The following NCALD variants were observed in gnomAD, a reference collection of about 807,000 sequenced individuals.
NCALD encodes the protein neurocalcin-delta.
A neutral mutation model predicts 18.6 loss-of-function variants in NCALD; 10 were observed. That is an observed-to-expected ratio of 0.54 (90% CI 0.33 to 0.91). The LOEUF (loss-of-function observed/expected upper bound fraction) is 0.91, where lower values mean the gene tolerates loss of function less well. NCALD is among the 40% of genes least tolerant of loss of function. The pLI is 0.03. For missense variants in NCALD, 184 were observed against 247.6 expected, an observed-to-expected ratio of 0.74 and a Z score of 1.72; for synonymous variants, 88 against 87.4, an observed-to-expected ratio of 1.01 and a Z score of -0.04.
intron 2 of NCALD, among the ~76,000 whole-genome samples, chr8:101,917,526 GAAGC>G (rs1340824433): frequency 6.6e-6 from 1 of 151,798 alleles, no homozygotes; most frequent in African/African-American, 2.4e-5. Context: ...TTCATACGAA[GAAGC>G]AACAAAACTA....
intron 2 of NCALD, among the ~76,000 whole-genome samples, chr8:101,934,549 T>C (rs1052738839): frequency 6.6e-6 from 1 of 151,646 alleles, no homozygotes; most frequent in Non-Finnish European, 1.5e-5. Context: ...CTAGAGAAAA[T>C]GGCATCATGG....
chr8:102,043,303 G>A (rs1249884635), intron 1 of NCALD, among the ~76,000 whole-genome samples: 3 of 151,864 alleles, frequency 2.0e-5, no homozygotes, highest in South Asian at 2.1e-4. Context: ...AAAGAGATTC[G>A]AGTTTTTAAA....
At chr8:101,719,141 T>C in intron 2 of NCALD, 111 bp downstream of exon 2, 1 of 1,283,220 alleles carries the variant, frequency 7.8e-7, no homozygotes, top group Non-Finnish European at 1.1e-6. Context: ...CCAAATGAAG[T>C]GTCCTGGTGA....
chr8:102,006,143 T>G (rs1171100503), intron 2 of NCALD, among the ~76,000 whole-genome samples: 1 of 152,246 alleles, frequency 6.6e-6, no homozygotes, highest in African/African-American at 2.4e-5. Flanking sequence ...TCTAAGACTG[T>G]ATCTCAGATG....
At chr8:102,059,980 T>A (rs1034238401) in intron 1 of NCALD, among the ~76,000 whole-genome samples, 1 of 152,146 alleles carries the variant, frequency 6.6e-6, no homozygotes, top group Non-Finnish European at 1.5e-5. Context: ...TTTTTGTTTT[T>A]TTGTTTTTGT....
At chr8:101,814,412 A>G (rs1322077625) in intron 4 of NCALD, among the ~76,000 whole-genome samples, 1 of 152,148 alleles carries the variant, frequency 6.6e-6, no homozygotes, top group Non-Finnish European at 1.5e-5. Flanking sequence ...CAAAAGATCA[A>G]AAAAGCATTT....
At chr8:102,112,499 T>C (rs373817558) in intron 1 of NCALD, among the ~76,000 whole-genome samples, 4 of 152,176 alleles carry the variant, frequency 2.6e-5, no homozygotes, top group East Asian at 3.8e-4. Context: ...AAAATTGTTA[T>C]CAACTAACCA....
intron 4 of NCALD, among the ~76,000 whole-genome samples, chr8:101,856,989 C>T (rs1250641555): frequency 2.0e-5 from 3 of 152,208 alleles, no homozygotes; most frequent in Non-Finnish European, 4.4e-5. Context: ...CAGCACTTCA[C>T]TAATACCTCT....
At chr8:102,085,083 C>T (rs535566587) in intron 1 of NCALD, among the ~76,000 whole-genome samples, 5 of 152,252 alleles carry the variant, frequency 3.3e-5, no homozygotes, top group South Asian at 2.1e-4. Flanking sequence ...TACATGCACA[C>T]GCCTGGTTGG....
chr8:101,727,991 C>T (rs1213664564), intron 1 of NCALD, among the ~76,000 whole-genome samples: 1 of 152,228 alleles, frequency 6.6e-6, no homozygotes, highest in Non-Finnish European at 1.5e-5. Context: ...TTTTGGGTCA[C>T]ACCCAGTCTC....
At position 101,996,704 on chromosome 8, in the gene NCALD, T is replaced by A. The variant is rs373804073; in HGVS notation, c.-157+23533A>T. ...CTAACGGTGGAAAAGGAAGGATGTA[T>A]CTTTCAGAGCTAGAAGAGACAACCA... On this transcript the variant is annotated intron_variant, in intron 2 of 6. Coordinates refer to the NCALD transcript ENST00000311028. Among the ~76,000 whole-genome samples the A allele has an allele frequency of 3.3e-5, 5 of 152,278 alleles. No individual in the cohort carries two copies. The East Asian group carries it at 9.6e-4, about 29-fold the overall frequency.
chr8:101,768,767 T>TA (rs1254655972), intron 1 of NCALD, among the ~76,000 whole-genome samples: 3 of 151,250 alleles, frequency 2.0e-5, no homozygotes, highest in East Asian at 1.9e-4. Flanking sequence ...AAAGAAACTT[T>TA]AAAAAAAGAA....
Position 101,801,643 on chromosome 8 carries a change from C to CTTTTTTTTTTT in NCALD, c.-19-82006_-19-81996dup, listed in dbSNP as rs71268530. ...TCTCTATGATTTACAAGCACACTTACTTTTTTTTTTTTTTTTTTTTTTTTT... is the reference window on the plus strand; with the variant it reads ...TCTCTATGATTTACAAGCACACTTACTTTTTTTTTTTTTTTTTTTTTTTTTTTTTTTTTTTT... On this transcript the variant is annotated intron_variant, in intron 4 of 6. Transcript: ENST00000311028. Among the ~76,000 whole-genome samples the CTTTTTTTTTTT allele has an allele frequency of 5.4e-4, 24 of 44,176 alleles. 10 individuals carry two copies. The highest frequency in any genetic ancestry group is 1.2e-3 in the Non-Finnish European group (21 of 17,866). The allele number at this position is 44,176 out of a possible 152,430, so 29.0% of individuals were successfully genotyped here.
intron 1 of NCALD, among the ~76,000 whole-genome samples, chr8:102,055,010 T>C (rs1405851044): frequency 6.6e-6 from 1 of 151,818 alleles, no homozygotes; most frequent in Non-Finnish European, 1.5e-5. Context: ...AGGCTGCTGG[T>C]GTGAGTAGAG....
At chr8:101,940,717 A>G (rs965630043) in intron 2 of NCALD, among the ~76,000 whole-genome samples, 9 of 152,194 alleles carry the variant, frequency 5.9e-5, no homozygotes, top group African/African-American at 1.2e-4. Flanking sequence ...AAAAGACACT[A>G]TAAAGCATCA....
intron 2 of NCALD, among the ~76,000 whole-genome samples, chr8:101,999,808 A>G (rs1021061541): frequency 3.3e-5 from 5 of 152,084 alleles, no homozygotes; most frequent in Admixed American, 3.3e-4. Context: ...ATCGAAAAAC[A>G]TTTTTCTGAA....
At chr8:102,056,476 G>A (rs114625030) in intron 1 of NCALD, among the ~76,000 whole-genome samples, 2,127 of 152,302 alleles carry the variant, frequency 0.014, 50 homozygotes, top group African/African-American at 0.049. Context: ...ACTAATACAT[G>A]CAGTCAGTGT....
intron 1 of NCALD, among the ~76,000 whole-genome samples, chr8:101,784,835 T>C (rs1323118130): frequency 1.3e-5 from 2 of 152,146 alleles, no homozygotes; most frequent in African/African-American, 4.8e-5. Flanking sequence ...ATGGATTCAA[T>C]TGTAAGGCTA....
intron 1 of NCALD, among the ~76,000 whole-genome samples, chr8:101,745,189 A>G (rs1052482789): frequency 6.6e-6 from 1 of 152,226 alleles, no homozygotes; most frequent in Admixed American, 6.5e-5. Flanking sequence ...TTGATTCAGA[A>G]TAACTCAATT....
Sources: gnomAD v4.1 joint callset for allele counts (sites outside exome capture counted in the v4.1 genomes callset) on GRCh38, gnomAD v4.1.1 for gene constraint, MANE v1.5 for transcripts, NCBI Gene and HGNC (gene_info 2026-07-23, HGNC 2026-07-21) for gene names.